DACH1: variants seen among roughly 807,000 people sequenced by gnomAD.
DACH1 encodes the protein dachshund homolog 1.
DACH1 carries 12 observed loss-of-function variants against 54.2 expected under a neutral mutation model. The observed-to-expected ratio is 0.22, with a 90% CI of 0.14 to 0.36. The LOEUF is 0.36. DACH1 is among the 10% of genes least tolerant of loss of function. The pLI is 1.00. For synonymous variants in DACH1, 386 were observed against 366.2 expected, an observed-to-expected ratio of 1.05 and a Z score of -0.62; for missense variants, 805 against 929.8, an observed-to-expected ratio of 0.87 and a Z score of 1.75.
At chr13:71,647,784 CTCCT>C in intron 2 of DACH1, among the ~76,000 whole-genome samples, 1 of 152,234 alleles carries the variant, frequency 6.6e-6, no homozygotes, top group South Asian at 2.1e-4. Flanking sequence ...GTGAGAAAAG[CTCCT>C]TGGAGAATAT....
intron 2 of DACH1, among the ~76,000 whole-genome samples, chr13:71,670,808 T>C: frequency 6.6e-6 from 1 of 152,072 alleles, no homozygotes. Flanking sequence ...AATTGTGTCA[T>C]TTGACATTCA....
rs138390166 is a variant in DACH1, at chr13:71,490,787, A to G, written c.1571-1639T>C. 1.1e-4 allele frequency among the ~76,000 whole-genome samples: 17 copies of G among 152,308 alleles called. No homozygotes were observed. The East Asian group carries it at 3.3e-3, about 29-fold the overall frequency. The stretch of plus-strand genomic sequence containing the variant: ...AGCTCTGGAAAGGCACTTGTTAAAC[A>G]TATATGTGCATGTGAAATTGTTTAA... On this transcript the variant is annotated intron_variant, in intron 6 of 10. Coordinates refer to ENST00000613252, the MANE Select transcript of DACH1 (RefSeq NM_080759.6).
At chr13:71,556,709 G>A (rs928105344) in intron 6 of DACH1, among the ~76,000 whole-genome samples, 2 of 151,778 alleles carry the variant, frequency 1.3e-5, no homozygotes, top group Admixed American at 6.6e-5. Context: ...AAATGACAGT[G>A]ACCCTGAAGG....
chr13:71,618,467 T>C (rs1048344095), intron 3 of DACH1, among the ~76,000 whole-genome samples: 1 of 152,088 alleles, frequency 6.6e-6, no homozygotes, highest in Non-Finnish European at 1.5e-5. Context: ...CTTTCAATGC[T>C]AGTGTTTCAA....
At chr13:71,637,203 T>C (rs1311820228) in intron 2 of DACH1, among the ~76,000 whole-genome samples, 2 of 152,056 alleles carry the variant, frequency 1.3e-5, no homozygotes, top group Admixed American at 6.6e-5. Flanking sequence ...TAATGTCCCA[T>C]GCTTCAAAAT....
chr13:71,542,216 C>T (rs969369586), intron 6 of DACH1, among the ~76,000 whole-genome samples: 2 of 151,888 alleles, frequency 1.3e-5, no homozygotes, highest in Non-Finnish European at 2.9e-5. Context: ...CGCCATTGCA[C>T]TCCAGCCTGG....
chr13:71,724,567 C>T (rs567738324), intron 1 of DACH1, among the ~76,000 whole-genome samples: 1 of 152,148 alleles, frequency 6.6e-6, no homozygotes, highest in African/African-American at 2.4e-5. Flanking sequence ...TACAACTATA[C>T]CATATACTTC....
At chr13:71,487,739 T>C (rs1200830079) in intron 7 of DACH1, among the ~76,000 whole-genome samples, 1 of 152,218 alleles carries the variant, frequency 6.6e-6, no homozygotes, top group Non-Finnish European at 1.5e-5. Context: ...TTGAGTTTTA[T>C]ACATAAGAAA....
chr13:71,749,213 A>G (rs1594173968), intron 1 of DACH1, among the ~76,000 whole-genome samples: 1 of 151,930 alleles, frequency 6.6e-6, no homozygotes, highest in Non-Finnish European at 1.5e-5. Flanking sequence ...CGAACTCCTC[A>G]TCTCAAGTGA....
chr13:71,783,396 T>C (rs1238824089), intron 1 of DACH1, among the ~76,000 whole-genome samples: 1 of 152,164 alleles, frequency 6.6e-6, no homozygotes, highest in East Asian at 1.9e-4. Flanking sequence ...ATTTAGTCAC[T>C]AACATATACA....
intron 3 of DACH1, among the ~76,000 whole-genome samples, chr13:71,603,309 A>G (rs1193353516): frequency 6.6e-6 from 1 of 151,988 alleles, no homozygotes; most frequent in Non-Finnish European, 1.5e-5. Context: ...TGTACAGACT[A>G]AAAACAATCG....
intron 1 of DACH1, among the ~76,000 whole-genome samples, chr13:71,729,761 A>T (rs1883650860): frequency 6.6e-6 from 1 of 152,146 alleles, no homozygotes; most frequent in Non-Finnish European, 1.5e-5. Context: ...TTAGGTAATT[A>T]GAATTACTCA....
intron 1 of DACH1, among the ~76,000 whole-genome samples, chr13:71,700,970 C>T (rs999525636): frequency 2.0e-5 from 3 of 151,982 alleles, no homozygotes; most frequent in African/African-American, 7.3e-5. Context: ...GAACCTTTCC[C>T]CAATTATAGA....
At chr13:71,801,986 G>A (rs780570839) in intron 1 of DACH1, among the ~76,000 whole-genome samples, 1 of 152,096 alleles carries the variant, frequency 6.6e-6, no homozygotes, top group African/African-American at 2.4e-5. Flanking sequence ...ATCTGTCAGA[G>A]AGAAACAAAA....
chr13:71,526,706 G>GTGTA (rs1555291245), intron 6 of DACH1, among the ~76,000 whole-genome samples: 1 of 144,252 alleles, frequency 6.9e-6, no homozygotes, highest in South Asian at 2.2e-4. Context: ...ATGTGTGTGT[G>GTGTA]TATATATATA....
intron 6 of DACH1, among the ~76,000 whole-genome samples, chr13:71,500,185 CA>C (rs2138230527): frequency 6.6e-6 from 1 of 152,146 alleles, no homozygotes; most frequent in South Asian, 2.1e-4. Context: ...TTACATCTGC[CA>C]AAAATGAGTT....
chr13:71,774,109 T>G (rs944219065), intron 1 of DACH1, among the ~76,000 whole-genome samples: 1 of 152,132 alleles, frequency 6.6e-6, no homozygotes, highest in African/African-American at 2.4e-5. Flanking sequence ...AACATTGCCC[T>G]GAAGTGAAAT....
intron 4 of DACH1, among the ~76,000 whole-genome samples, chr13:71,560,170 A>G (rs1593895298): frequency 1.3e-5 from 2 of 152,202 alleles, no homozygotes; most frequent in Non-Finnish European, 2.9e-5. Flanking sequence ...TCTACAGGTA[A>G]GCGTGACTGC....
Position 71,866,494 on chromosome 13 carries a change from T to C in DACH1, c.276A>G (p.Gly92=). The change falls in exon 1 of 11, where the codon GGA becomes GGG. Residue 92 remains glycine (G), a synonymous_variant. Transcript: ENST00000613252. ...SGGGGGSSGN[G]GGGGGGGGGS... ...CACCGCCGCCGCCGCCACCGCCGCCTCCGTTGCCGCTGCTGCCGCCGCCGC... is the reference window on the plus strand; with the variant it reads ...CACCGCCGCCGCCGCCACCGCCGCCCCCGTTGCCGCTGCTGCCGCCGCCGC... 1 of 1,226,928 alleles carries C rather than the reference T, an allele frequency of 8.2e-7. No individual in the cohort carries two copies. The highest frequency in any genetic ancestry group is 1.0e-6 in the Non-Finnish European group (1 of 984,790). 76.0% of individuals were successfully genotyped at this position (1,226,928 alleles called of 1,614,324 possible). A position where few individuals can be genotyped will look rare whatever the true frequency, so the allele number is the denominator to read the frequency against.
Sources: allele counts gnomAD v4.1 joint callset (sites outside exome capture counted in the v4.1 genomes callset), GRCh38; gene constraint gnomAD v4.1.1; transcripts MANE v1.5; gene names NCBI Gene and HGNC (gene_info 2026-07-23, HGNC 2026-07-21).